ZNF804B: variants seen among roughly 807,000 people sequenced by gnomAD.
ZNF804B encodes zinc finger protein 804B.
A neutral mutation model predicts 101.4 loss-of-function variants in ZNF804B; 80 were observed. The observed-to-expected ratio is 0.79, with a 90% CI of 0.66 to 0.95. The LOEUF is 0.95. ZNF804B is among the 40% of genes least tolerant of loss of function. The pLI is 0.00. For missense variants in ZNF804B, 1,673 were observed against 1,561.9 expected, an observed-to-expected ratio of 1.07 and a Z score of -1.20; for synonymous variants, 622 against 558.8, an observed-to-expected ratio of 1.11 and a Z score of -1.59.
chr7:88,920,752 A>G (rs934684517), intron 1 of ZNF804B, among the ~76,000 whole-genome samples: 3 of 152,116 alleles, frequency 2.0e-5, no homozygotes, highest in African/African-American at 7.2e-5. Context: ...AACTCATTTT[A>G]TAGATACAGA....
intron 1 of ZNF804B, among the ~76,000 whole-genome samples, chr7:89,207,212 G>A (rs1027293711): frequency 3.9e-5 from 6 of 152,178 alleles, no homozygotes; most frequent in Non-Finnish European, 7.4e-5. Flanking sequence ...CCAGTTTACT[G>A]TATTAGTCTG....
intron 2 of ZNF804B, among the ~76,000 whole-genome samples, chr7:89,255,755 A>C (rs1009292973): frequency 1.3e-5 from 2 of 152,136 alleles, no homozygotes; most frequent in Non-Finnish European, 2.9e-5. Context: ...AAAACCAAAA[A>C]CTTTACAGAG....
chr7:89,143,852 C>A (rs1229887188), intron 1 of ZNF804B, among the ~76,000 whole-genome samples: 1 of 151,924 alleles, frequency 6.6e-6, no homozygotes, highest in Non-Finnish European at 1.5e-5. Context: ...ATGCATTTTT[C>A]ATGAACTTTT....
Position 88,819,790 on chromosome 7 carries a change from C to T in ZNF804B, c.108+59706C>T, listed in dbSNP as rs768354399. On this transcript the variant is annotated intron_variant, in intron 1 of 3. Transcript: ENST00000333190. ...TTTCATTGTTTTCCAAAAAATTTAG[C>T]GCAATTATTCTGAAAATTAAAAGAA... Among the ~76,000 whole-genome samples the T allele has an allele frequency of 3.3e-5, 5 of 152,118 alleles. No individual in the cohort carries two copies. The East Asian group carries it at 5.8e-4, about 18-fold the overall frequency.
At chr7:88,910,030 GTA>G (rs1315476644) in intron 1 of ZNF804B, among the ~76,000 whole-genome samples, 1 of 151,712 alleles carries the variant, frequency 6.6e-6, no homozygotes, top group African/African-American at 2.4e-5. Context: ...CATAAAACAT[GTA>G]TATATTATCA....
chr7:88,766,997 A>G (rs1030006474), intron 1 of ZNF804B, among the ~76,000 whole-genome samples: 3 of 152,072 alleles, frequency 2.0e-5, no homozygotes, highest in African/African-American at 7.2e-5. Context: ...TTTGAAATGG[A>G]TATTGCCAGT....
At chr7:88,876,030 C>T (rs924663857) in intron 1 of ZNF804B, among the ~76,000 whole-genome samples, 2 of 152,032 alleles carry the variant, frequency 1.3e-5, no homozygotes, top group Non-Finnish European at 2.9e-5. Flanking sequence ...AAATGTAATC[C>T]AGCATATAAA....
intron 1 of ZNF804B, 103 bp downstream of exon 1, chr7:88,760,187 C>A: frequency 2.2e-6 from 2 of 927,894 alleles, no homozygotes; most frequent in Non-Finnish European, 3.4e-6. Context: ...AGGTGGTGGA[C>A]ATCTAAAACG....
chr7:89,149,223 C>T (rs1278793425), intron 1 of ZNF804B, among the ~76,000 whole-genome samples: 1 of 152,032 alleles, frequency 6.6e-6, no homozygotes, highest in Non-Finnish European at 1.5e-5. Flanking sequence ...AAATCAATTT[C>T]TCAGGGGCTT....
intron 1 of ZNF804B, among the ~76,000 whole-genome samples, chr7:89,120,589 C>A (rs1359093752): frequency 7.3e-6 from 1 of 136,816 alleles, no homozygotes; most frequent in Non-Finnish European, 1.5e-5. Flanking sequence ...ACCCGGGAGG[C>A]GGAGCTTGCA....
At chr7:89,061,267 A>C (rs1456435448) in intron 1 of ZNF804B, among the ~76,000 whole-genome samples, 2 of 152,078 alleles carry the variant, frequency 1.3e-5, no homozygotes, top group Non-Finnish European at 2.9e-5. Flanking sequence ...TGTGTCTTTC[A>C]AATAATTTTT....
At chr7:89,095,255 G>A (rs1789955240) in intron 1 of ZNF804B, among the ~76,000 whole-genome samples, 1 of 152,142 alleles carries the variant, frequency 6.6e-6, no homozygotes, top group South Asian at 2.1e-4. Flanking sequence ...CTTCCCTCTG[G>A]AGGATGCGGT....
intron 1 of ZNF804B, among the ~76,000 whole-genome samples, chr7:89,181,663 C>T (rs988987242): frequency 1.3e-5 from 2 of 152,126 alleles, no homozygotes; most frequent in African/African-American, 4.8e-5. Flanking sequence ...GATTGCTCAC[C>T]TTGTTTTCAA....
intron 1 of ZNF804B, among the ~76,000 whole-genome samples, chr7:88,971,520 C>T (rs576874783): frequency 2.0e-5 from 3 of 151,590 alleles, no homozygotes; most frequent in East Asian, 3.9e-4. Flanking sequence ...TTGTTCCATT[C>T]ACCCTTCCAA....
intron 1 of ZNF804B, among the ~76,000 whole-genome samples, chr7:88,979,604 CT>C (rs535240485): frequency 1.0e-4 from 12 of 115,342 alleles, no homozygotes; most frequent in Non-Finnish European, 1.6e-4. Flanking sequence ...TTTTCTTTTT[CT>C]TTCTTTTTTT....
intron 1 of ZNF804B, among the ~76,000 whole-genome samples, chr7:88,885,043 A>T (rs1374390517): frequency 6.6e-6 from 1 of 151,958 alleles, no homozygotes; most frequent in Non-Finnish European, 1.5e-5. Flanking sequence ...CAACCAATGC[A>T]AAAGAGGAAG....
Position 88,868,372 on chromosome 7 carries a change from A to C in ZNF804B, c.108+108288A>C, listed in dbSNP as rs1250606372. Among the ~76,000 whole-genome samples the C allele has an allele frequency of 1.6e-4, 24 of 152,306 alleles. No homozygotes were observed. In the South Asian group the frequency reaches 2.5e-3, roughly 16 times the overall value. On this transcript the variant is annotated intron_variant, in intron 1 of 3. Coordinates refer to ENST00000333190, the MANE Select transcript of ZNF804B (RefSeq NM_181646.5). ...AAGAACCTGATGTTAGGACAGAATA[A>C]AGGTATTTGAGTATAATATGTAATC...
chr7:89,069,508 T>A (rs1437371324), intron 1 of ZNF804B, among the ~76,000 whole-genome samples: 5 of 152,022 alleles, frequency 3.3e-5, no homozygotes, highest in African/African-American at 9.7e-5. Flanking sequence ...TAATTTTTTT[T>A]AATGTTTATT....
intron 2 of ZNF804B, among the ~76,000 whole-genome samples, chr7:89,292,222 G>A (rs1790308369): frequency 6.6e-6 from 1 of 152,082 alleles, no homozygotes; most frequent in South Asian, 2.1e-4. Flanking sequence ...AAAACTCACT[G>A]GTAACAGTAA....
Sources: gnomAD v4.1 joint callset for allele counts (sites outside exome capture counted in the v4.1 genomes callset) on GRCh38, gnomAD v4.1.1 for gene constraint, MANE v1.5 for transcripts, NCBI Gene and HGNC (gene_info 2026-07-23, HGNC 2026-07-21) for gene names.